The following DHX8 variants were observed in gnomAD, a reference collection of about 807,000 sequenced individuals.
The protein encoded by DHX8 is DEAH-box helicase 8.
In DHX8, 67 loss-of-function variants were observed where a neutral mutation model predicts 140.7. The observed-to-expected ratio is 0.48, with a 90% confidence interval of 0.39 to 0.58. DHX8 has a LOEUF of 0.58. Ranked by LOEUF, DHX8 falls within the 20% of genes least tolerant of loss-of-function variation. The probability of loss-of-function intolerance (pLI) is 0.00; values close to 1 mark genes in which losing one functional copy is unlikely to be tolerated. For synonymous variants in DHX8, 533 were observed against 553.2 expected (o/e 0.96, Z 0.51); for missense variants, 887 against 1,550.7 (o/e 0.57, Z 7.19).
intron 11 of DHX8, among the ~76,000 whole-genome samples, chr17:43,500,411 C>G (rs879678679): frequency 6.6e-6 from 1 of 151,966 alleles, no homozygotes; most frequent in African/African-American, 2.4e-5. Context: ...CGCTTAAACC[C>G]AGGAGGTGGA....
downstream of DHX8, chr17:43,530,486 G>C (rs1598194779): frequency 1.6e-6 from 2 of 1,271,136 alleles, no homozygotes; most frequent in Non-Finnish European, 2.0e-6. Context: ...TGCGAGTTCA[G>C]GGGGAGGAGG....
At chr17:43,490,899 G>C (rs533784589) in intron 3 of DHX8, among the ~76,000 whole-genome samples, 1 of 151,780 alleles carries the variant, frequency 6.6e-6, no homozygotes, top group African/African-American at 2.4e-5. Context: ...AATTTCAAAC[G>C]ACTTAAGACA....
downstream of DHX8, chr17:43,525,873 C>T (rs920937356): frequency 2.1e-6 from 2 of 973,830 alleles, no homozygotes; most frequent in African/African-American, 3.5e-5. Context: ...ATGTTGACAC[C>T]TGGGGAGGGA....
chr17:43,532,748 C>A, intron 2 of DHX8: 1 of 1,614,076 alleles, frequency 6.2e-7, no homozygotes. Context: ...CCCATTGACC[C>A]CACCCTGGTC....
intron 17 of DHX8, among the ~76,000 whole-genome samples, chr17:43,516,389 G>A (rs142786543): frequency 0.013 from 2,019 of 152,116 alleles, 43 homozygotes; most frequent in African/African-American, 0.044. Context: ...TGCATTTAAT[G>A]CGAATGAACA....
Position 43,507,384 on chromosome 17 carries a change from T to C in DHX8, c.1924-119T>C, listed in dbSNP as rs536386270. ...ACATACCTTACTATGAGGAAATTAC[T>C]GTACATCTTGATCAGATTCTTAAGA... is the stretch of plus-strand genomic sequence containing the variant. On this transcript the variant is annotated intron_variant, in intron 13 of 22. Coordinates refer to ENST00000262415, the MANE Select transcript of DHX8 (RefSeq NM_004941.3). The C allele has an allele frequency of 3.6e-4, 408 of 1,127,294 alleles. 2 individuals carry two copies. In the Middle Eastern group the frequency reaches 5.3e-3, roughly 15 times the overall value. The allele number at this position is 1,127,294 out of a possible 1,614,324, so 69.8% of individuals were successfully genotyped here. A position where few individuals can be genotyped will look rare whatever the true frequency, so the allele number is the denominator to read the frequency against.
chr17:43,519,362 T>G (rs1352295289), intron 18 of DHX8: 2 of 152,254 alleles, frequency 1.3e-5, no homozygotes, highest in African/African-American at 4.8e-5. Context: ...CTACTGATGT[T>G]GTGCATCTGT....
rs138461897 is a variant in DHX8 at position 43,506,206 on chromosome 17, A to G, written c.1729-797A>G. On this transcript the variant is annotated intron_variant, in intron 12 of 22. Transcript: ENST00000262415. ...TTTTTTGTAGAGATGCGGTCTCACT[A>G]TATTGTCCAGGCTGGTCTTGAACTC... 2.4e-3 allele frequency among the ~76,000 whole-genome samples: 365 copies of G among 151,898 alleles called. 4 individuals carry two copies. Among genetic ancestry groups the G allele is most frequent in the African/African-American group, 8.0e-3 (331 of 41,484 alleles).
chr17:43,500,821 G>A (rs566108120), intron 11 of DHX8, among the ~76,000 whole-genome samples: 177 of 152,126 alleles, frequency 1.2e-3, no homozygotes, highest in African/African-American at 4.2e-3. Flanking sequence ...TGAGGCAGGG[G>A]AATCGCTTGA....
intron 16 of DHX8, 48 bp from the exon 17 acceptor site, chr17:43,513,314 G>A: frequency 6.3e-7 from 1 of 1,599,364 alleles, no homozygotes; most frequent in South Asian, 1.1e-5. Flanking sequence ...TCACACCTCA[G>A]GGCTGAGCCT....
chr17:43,485,414 A>AT (rs952935158), intron 1 of DHX8, among the ~76,000 whole-genome samples: 7 of 152,258 alleles, frequency 4.6e-5, no homozygotes, highest in African/African-American at 1.7e-4. Context: ...ACCATATAGC[A>AT]TTTAGGAAGA....
chr17:43,544,031 A>C (rs1251050839), intron 3 of DHX8: 2 of 152,044 alleles, frequency 1.3e-5, no homozygotes, highest in Admixed American at 6.6e-5. Context: ...CCTCAAAAAG[A>C]CCTCAAAAAA....
At chr17:43,488,730 C>G (rs1224509323) in intron 1 of DHX8, among the ~76,000 whole-genome samples, 1 of 152,124 alleles carries the variant, frequency 6.6e-6, no homozygotes, top group Non-Finnish European at 1.5e-5. Context: ...CAGATTGGGT[C>G]TGTCCTTCTG....
chr17:43,541,978 C>G (rs1971546915), intron 3 of DHX8, among the ~76,000 whole-genome samples: 1 of 152,172 alleles, frequency 6.6e-6, no homozygotes, highest in African/African-American at 2.4e-5. Flanking sequence ...TGCACACACC[C>G]TAATTCCTTT....
downstream of DHX8, chr17:43,525,925 G>A: frequency 1.0e-6 from 1 of 985,390 alleles, no homozygotes; most frequent in Middle Eastern, 5.2e-4. Context: ...ATGTTGAATG[G>A]GCTAAGGATA....
At chr17:43,542,676 C>T (rs908296833) in intron 3 of DHX8, among the ~76,000 whole-genome samples, 1 of 152,162 alleles carries the variant, frequency 6.6e-6, no homozygotes, top group African/African-American at 2.4e-5. Flanking sequence ...TCACACTCAC[C>T]CTTCAACGCC....
chr17:43,497,375 T>G (rs1472055275), intron 9 of DHX8, among the ~76,000 whole-genome samples: 1 of 152,248 alleles, frequency 6.6e-6, no homozygotes, highest in Non-Finnish European at 1.5e-5. Flanking sequence ...TTGGTTAATC[T>G]TTGTGAATAA....
downstream of DHX8, chr17:43,525,675 G>C (rs1598184410): frequency 1.2e-5 from 12 of 984,308 alleles, no homozygotes; most frequent in Middle Eastern, 2.1e-3. Flanking sequence ...TTGCCATCTT[G>C]CCTAGGCTGG....
chr17:43,529,693 T>C, downstream of DHX8: 2 of 1,600,362 alleles, frequency 1.2e-6, no homozygotes, highest in Non-Finnish European at 1.7e-6. Context: ...AACACGAAAA[T>C]AGGAGGTGTG....
Sources: allele counts gnomAD v4.1 joint callset (sites outside exome capture counted in the v4.1 genomes callset), GRCh38; gene constraint gnomAD v4.1.1; transcripts MANE v1.5; gene names NCBI Gene and HGNC (gene_info 2026-07-23, HGNC 2026-07-21).